The following YWHAE variants were observed in gnomAD, a reference collection of about 807,000 sequenced individuals.
YWHAE encodes tyrosine 3-monooxygenase/tryptophan 5-monooxygenase activation protein epsilon.
YWHAE carries 4 observed loss-of-function variants against 30.1 expected under a neutral mutation model. The ratio of observed to expected loss-of-function variants is 0.13; its 90% confidence interval spans 0.07 to 0.30. YWHAE has a LOEUF of 0.30. YWHAE is among the 10% of genes least tolerant of loss of function. The probability of loss-of-function intolerance (pLI) is 1.00; values close to 1 mark genes in which losing one functional copy is unlikely to be tolerated. For synonymous variants in YWHAE, 118 were observed against 111.8 expected, an observed-to-expected ratio of 1.06 and a Z score of -0.35; for missense variants, 121 against 315.9, an observed-to-expected ratio of 0.38 and a Z score of 4.68.
chr17:1,347,834 G>A (rs568628918), intron 5 of YWHAE: 1 of 413,744 alleles, frequency 2.4e-6, no homozygotes, highest in Non-Finnish European at 3.3e-6. Context: ...GGCCGGAAAA[G>A]GCTTAGGTCA....
intron 4 of YWHAE, among the ~76,000 whole-genome samples, chr17:1,357,595 C>G (rs934827624): frequency 6.6e-6 from 1 of 150,772 alleles, no homozygotes; most frequent in Non-Finnish European, 1.5e-5. Context: ...AAAAAAAAAG[C>G]AAAAAAACCA....
At position 1,376,644 on chromosome 17, in the gene YWHAE, C is replaced by T. The variant is rs535625877; in HGVS notation, c.65-11586G>A. Among the ~76,000 whole-genome samples the T allele has an allele frequency of 1.3e-4, 20 of 152,224 alleles. 1 individual carries two copies. In the South Asian group the frequency reaches 3.9e-3, roughly 30 times the overall value. ...CTCTAATATCTTTACATCAACATCC[C>T]AGTAAACCTGATTTTCCCAAGACTG... On this transcript the variant is annotated intron_variant, in intron 1 of 5. Transcript: ENST00000264335.
At chr17:1,362,190 A>G (rs1598239992) in intron 2 of YWHAE, among the ~76,000 whole-genome samples, 182 bp from the exon 3 acceptor site, 1 of 152,080 alleles carries the variant, frequency 6.6e-6, no homozygotes, top group East Asian at 1.9e-4. Context: ...GGTTATAAAA[A>G]GTATCTTTTC....
intron 4 of YWHAE, among the ~76,000 whole-genome samples, chr17:1,355,336 T>C (rs1168831767): frequency 1.3e-5 from 2 of 150,510 alleles, no homozygotes; most frequent in East Asian, 2.0e-4. Context: ...TGTTTTTATA[T>C]TTTTAGCAGA....
chr17:1,379,337 T>A (rs936506311), intron 1 of YWHAE, among the ~76,000 whole-genome samples: 1 of 151,978 alleles, frequency 6.6e-6, no homozygotes, highest in Admixed American at 6.6e-5. Flanking sequence ...TATAAAAAAT[T>A]AGCCGGGCGT....
chr17:1,395,358 T>C (rs2073452898), intron 1 of YWHAE, among the ~76,000 whole-genome samples: 1 of 151,858 alleles, frequency 6.6e-6, no homozygotes, highest in African/African-American at 2.4e-5. Flanking sequence ...TGAAACCTCG[T>C]CTCTACTAAA....
At chr17:1,393,509 C>A (rs921350886) in intron 1 of YWHAE, among the ~76,000 whole-genome samples, 17 of 152,144 alleles carry the variant, frequency 1.1e-4, no homozygotes, top group African/African-American at 4.1e-4. Flanking sequence ...GGGCTCACTG[C>A]AATCTCCACC....
chr17:1,395,785 G>T (rs1567988904), intron 1 of YWHAE, among the ~76,000 whole-genome samples: 1 of 152,152 alleles, frequency 6.6e-6, no homozygotes, highest in Non-Finnish European at 1.5e-5. Flanking sequence ...TCACTAACTA[G>T]CAGAATAAGC....
intron 4 of YWHAE, among the ~76,000 whole-genome samples, chr17:1,356,614 G>T (rs780797038): frequency 6.6e-6 from 1 of 152,202 alleles, no homozygotes; most frequent in Non-Finnish European, 1.5e-5. Context: ...AATAGCCACA[G>T]CTTCTTCAGT....
intron 1 of YWHAE, among the ~76,000 whole-genome samples, chr17:1,376,335 G>C (rs747372945): frequency 3.3e-5 from 5 of 151,796 alleles, no homozygotes. Context: ...AACGAAGACA[G>C]AAAGACAGAC....
chr17:1,363,634 T>C (rs2072897058), intron 2 of YWHAE, among the ~76,000 whole-genome samples: 1 of 152,192 alleles, frequency 6.6e-6, no homozygotes, highest in Admixed American at 6.6e-5. Context: ...GCATTCATAG[T>C]TGGGATAATA....
chr17:1,355,007 G>A (rs1200545778), intron 4 of YWHAE, among the ~76,000 whole-genome samples: 4 of 89,576 alleles, frequency 4.5e-5, no homozygotes, highest in South Asian at 4.4e-4. Flanking sequence ...TAAGGGATTC[G>A]TTATGTTGCC....
At chr17:1,376,778 C>T (rs2073131065) in intron 1 of YWHAE, among the ~76,000 whole-genome samples, 1 of 152,112 alleles carries the variant, frequency 6.6e-6, no homozygotes, top group Admixed American at 6.6e-5. Flanking sequence ...GCTGACAAGT[C>T]ACAAGGCACA....
At chr17:1,377,299 G>A (rs555736477) in intron 1 of YWHAE, among the ~76,000 whole-genome samples, 2 of 152,200 alleles carry the variant, frequency 1.3e-5, no homozygotes, top group African/African-American at 4.8e-5. Context: ...CTCAAACCCA[G>A]ACAATCTAAC....
At chr17:1,364,108 A>G (rs757816559) in intron 2 of YWHAE, among the ~76,000 whole-genome samples, 7 of 152,184 alleles carry the variant, frequency 4.6e-5, no homozygotes, top group Non-Finnish European at 1.0e-4. Flanking sequence ...AAGACCTACA[A>G]TAAGAAACAT....
intron 3 of YWHAE, 54 bp downstream of exon 3, chr17:1,361,848 T>C: frequency 8.0e-7 from 1 of 1,245,664 alleles, no homozygotes. Context: ...AAAGTTATGG[T>C]TCTAAAAGGA....
Position 1,370,723 on chromosome 17 carries a change from C to T in YWHAE, c.65-5665G>A, listed in dbSNP as rs115252038. Among the ~76,000 whole-genome samples, 678 of 152,116 alleles carry T rather than the reference C, an allele frequency of 4.5e-3. 10 individuals are homozygous for T. The highest frequency in any genetic ancestry group is 8.4e-3 in the African/African-American group (349 of 41,554). On this transcript the variant is annotated intron_variant, in intron 1 of 5. Transcript: ENST00000264335. ...TAAAAACAACATTGCAGGCTGGGAG[C>T]GGTGGCTCACGCCTAGTAATCCCAG... is the stretch of plus-strand genomic sequence containing the variant.
At chr17:1,348,256 T>C (rs968548936) in intron 5 of YWHAE, among the ~76,000 whole-genome samples, 4 of 152,174 alleles carry the variant, frequency 2.6e-5, no homozygotes, top group African/African-American at 4.8e-5. Flanking sequence ...TATGTTTCTT[T>C]GCCCAGTGTA....
chr17:1,396,547 G>T (rs533973861), intron 1 of YWHAE, among the ~76,000 whole-genome samples: 5 of 152,176 alleles, frequency 3.3e-5, no homozygotes, highest in Admixed American at 3.3e-4. Flanking sequence ...AAGAGACTAG[G>T]AAAGGACAAA....
Sources: allele counts gnomAD v4.1 joint callset (sites outside exome capture counted in the v4.1 genomes callset), GRCh38; gene constraint gnomAD v4.1.1; transcripts MANE v1.5; gene names NCBI Gene and HGNC (gene_info 2026-07-23, HGNC 2026-07-21).